Variants in PDZRN3 observed in about 807,000 individuals in gnomAD.
PDZRN3 encodes PDZ domain containing ring finger 3.
PDZRN3 carries 38 observed loss-of-function variants against 85.7 expected under a neutral mutation model. That is an observed-to-expected ratio of 0.44 (90% CI 0.34 to 0.58). The LOEUF (loss-of-function observed/expected upper bound fraction) is 0.58, where lower values mean the gene tolerates loss of function less well. Among genes scored for constraint, PDZRN3 ranks in the 20% least tolerant of loss-of-function variants. The pLI is 0.01. For missense variants in PDZRN3, 1,629 were observed against 1,506.4 expected, an observed-to-expected ratio of 1.08 and a Z score of -1.35; for synonymous variants, 759 against 638.0, an observed-to-expected ratio of 1.19 and a Z score of -2.86.
intron 3 of PDZRN3, among the ~76,000 whole-genome samples, chr3:73,531,617 A>C (rs1220685962): frequency 6.6e-6 from 1 of 152,190 alleles, no homozygotes; most frequent in Non-Finnish European, 1.5e-5. Flanking sequence ...GGCTCCTCAG[A>C]AGGAGGCATC....
intron 3 of PDZRN3, 149 bp downstream of exon 3, chr3:73,602,205 A>G (rs913916772): frequency 6.6e-6 from 4 of 606,614 alleles, no homozygotes; most frequent in Non-Finnish European, 1.2e-5. Flanking sequence ...TCAACACTCA[A>G]TCTGGTCCCA....
intron 3 of PDZRN3, among the ~76,000 whole-genome samples, chr3:73,592,994 C>G (rs1371560417): frequency 1.3e-5 from 2 of 151,972 alleles, no homozygotes; most frequent in Admixed American, 1.3e-4. Flanking sequence ...CACAGATTAG[C>G]ATTTAAGTCA....
At chr3:73,527,701 TA>T in intron 3 of PDZRN3, among the ~76,000 whole-genome samples, 1 of 152,256 alleles carries the variant, frequency 6.6e-6, no homozygotes, top group East Asian at 1.9e-4. Context: ...TCTAACTAAT[TA>T]CGAAAAGAAT....
chr3:73,405,979 A>T (rs903871062), intron 3 of PDZRN3, among the ~76,000 whole-genome samples: 3 of 152,238 alleles, frequency 2.0e-5, no homozygotes, highest in Non-Finnish European at 4.4e-5. Context: ...GGGTTGAGAA[A>T]TAGATGTTGA....
At chr3:73,441,411 C>CAAAAAA (rs10656791) in intron 3 of PDZRN3, among the ~76,000 whole-genome samples, 27 of 68,146 alleles carry the variant, frequency 4.0e-4, no homozygotes, top group African/African-American at 1.4e-3. Context: ...GACTCTGTCC[C>CAAAAAA]AAAAAAAAAA....
chr3:73,427,231 C>G (rs528851703), intron 3 of PDZRN3, among the ~76,000 whole-genome samples: 3 of 152,288 alleles, frequency 2.0e-5, no homozygotes, highest in South Asian at 4.1e-4. Flanking sequence ...AGCTGTTCCG[C>G]AGCACAGCTC....
At chr3:73,428,863 G>A (rs73096408) in intron 3 of PDZRN3, among the ~76,000 whole-genome samples, 13,730 of 151,886 alleles carry the variant, frequency 0.09, 755 homozygotes, top group African/African-American at 0.16. Context: ...AAAGGGCCCT[G>A]TTTGTCAAGG....
At chr3:73,523,406 G>C (rs1369169929) in intron 3 of PDZRN3, among the ~76,000 whole-genome samples, 3 of 151,910 alleles carry the variant, frequency 2.0e-5, no homozygotes, top group Non-Finnish European at 4.4e-5. Flanking sequence ...AGAAACTTTA[G>C]AACAAATTAT....
intron 3 of PDZRN3, among the ~76,000 whole-genome samples, chr3:73,492,373 T>C (rs1394084220): frequency 6.6e-6 from 1 of 152,220 alleles, no homozygotes; most frequent in African/African-American, 2.4e-5. Context: ...CTACGGTCCC[T>C]GGTCTCATTC....
chr3:73,576,162 C>T (rs1702121429), intron 3 of PDZRN3, among the ~76,000 whole-genome samples: 1 of 152,044 alleles, frequency 6.6e-6, no homozygotes, highest in Non-Finnish European at 1.5e-5. Context: ...CTATTTTCTG[C>T]CAACTTCTTT....
intron 3 of PDZRN3, among the ~76,000 whole-genome samples, chr3:73,551,738 C>T (rs1237695795): frequency 2.0e-5 from 3 of 151,638 alleles, no homozygotes; most frequent in Non-Finnish European, 4.4e-5. Flanking sequence ...ATTATTTCCC[C>T]ACTTCTAATA....
intron 7 of PDZRN3, 35 bp from the exon 8 acceptor site, chr3:73,388,104 G>T: frequency 1.0e-6 from 1 of 987,690 alleles, no homozygotes; most frequent in Non-Finnish European, 1.5e-6. Context: ...GGAGAGTGGG[G>T]AGACAAATAG....
chr3:73,527,035 G>T (rs1320855514), intron 3 of PDZRN3, among the ~76,000 whole-genome samples: 3 of 152,050 alleles, frequency 2.0e-5, no homozygotes, highest in East Asian at 1.9e-4. Flanking sequence ...TTTTTAGTAG[G>T]TGTTGCCATG....
At chr3:73,462,094 C>G (rs902116654) in intron 3 of PDZRN3, among the ~76,000 whole-genome samples, 5 of 152,076 alleles carry the variant, frequency 3.3e-5, no homozygotes, top group African/African-American at 1.2e-4. Flanking sequence ...TGTGTTCTTT[C>G]AATTATATGA....
chr3:73,431,780 G>A (rs6771685), intron 3 of PDZRN3, among the ~76,000 whole-genome samples: 73,679 of 151,842 alleles, frequency 0.49, 18,239 homozygotes, highest in East Asian at 0.76. Context: ...TCAGCCAGAA[G>A]TATTTCCACA....
intron 3 of PDZRN3, among the ~76,000 whole-genome samples, chr3:73,502,746 C>T (rs1704004691): frequency 6.6e-6 from 1 of 152,190 alleles, no homozygotes; most frequent in Non-Finnish European, 1.5e-5. Context: ...GCAAATCCCC[C>T]AGAGGCCAGG....
At chr3:73,489,906 G>A (rs1255694550) in intron 3 of PDZRN3, among the ~76,000 whole-genome samples, 2 of 151,998 alleles carry the variant, frequency 1.3e-5, no homozygotes, top group Admixed American at 6.5e-5. Flanking sequence ...CACCCAAAAC[G>A]GTGATGGTTC....
chr3:73,567,611 C>T (rs1408945292), intron 3 of PDZRN3, among the ~76,000 whole-genome samples: 2 of 152,180 alleles, frequency 1.3e-5, no homozygotes, highest in Non-Finnish European at 2.9e-5. Context: ...ATCTGCCAGA[C>T]ATGATTCAGA....
At chr3:73,547,787 A>G (rs1701459838) in intron 3 of PDZRN3, among the ~76,000 whole-genome samples, 1 of 152,224 alleles carries the variant, frequency 6.6e-6, no homozygotes, top group Non-Finnish European at 1.5e-5. Context: ...CTCAGACCAG[A>G]GATGGGTCAG....
Sources: gnomAD v4.1 joint callset for allele counts (sites outside exome capture counted in the v4.1 genomes callset) on GRCh38, gnomAD v4.1.1 for gene constraint, MANE v1.5 for transcripts, NCBI Gene and HGNC (gene_info 2026-07-23, HGNC 2026-07-21) for gene names.